Variants in RALGAPA1 observed in about 807,000 individuals in gnomAD.
RALGAPA1 encodes the protein Ral GTPase activating protein catalytic subunit alpha 1.
A neutral mutation model predicts 269.6 loss-of-function variants in RALGAPA1; 52 were observed. The observed-to-expected ratio is 0.19, with a 90% CI of 0.15 to 0.24. RALGAPA1 has a LOEUF of 0.24. Ranked by LOEUF, RALGAPA1 falls within the 10% of genes least tolerant of loss-of-function variation. RALGAPA1 has a pLI of 1.00. For missense variants in RALGAPA1, 1,917 were observed against 3,013.9 expected (o/e 0.64, Z 8.52); for synonymous variants, 817 against 1,008.3 (o/e 0.81, Z 3.60).
At chr14:35,756,499 A>G (rs2073190832) in intron 7 of RALGAPA1, 1 of 165,450 alleles carries the variant, frequency 6.0e-6, no homozygotes, top group Admixed American at 6.4e-5. Flanking sequence ...TAACTAAGGG[A>G]TACCCTTCTA....
At chr14:35,743,292 G>A (rs555630841) in intron 10 of RALGAPA1, among the ~76,000 whole-genome samples, 2 of 151,964 alleles carry the variant, frequency 1.3e-5, no homozygotes, top group South Asian at 4.2e-4. Flanking sequence ...CCAATTCATT[G>A]TCGTAAAAAG....
intron 35 of RALGAPA1, among the ~76,000 whole-genome samples, chr14:35,609,606 G>C (rs553025653): frequency 3.4e-4 from 51 of 152,216 alleles, no homozygotes; most frequent in African/African-American, 1.2e-3. Flanking sequence ...TTTTAAAAAA[G>C]ATTTCATACC....
At chr14:35,666,206 A>C (rs1277159451) in intron 26 of RALGAPA1, among the ~76,000 whole-genome samples, 1 of 152,026 alleles carries the variant, frequency 6.6e-6, no homozygotes, top group Admixed American at 6.6e-5. Context: ...TTAAAGACTT[A>C]TAAACAACAA....
At chr14:35,738,424 T>C (rs1177110133) in intron 12 of RALGAPA1, 89 bp downstream of exon 12, 4 of 920,318 alleles carry the variant, frequency 4.3e-6, no homozygotes, top group Non-Finnish European at 6.0e-6. Context: ...GAATTTATTA[T>C]ATTGTGAAAA....
chr14:35,783,390 C>A (rs2141664652), intron 1 of RALGAPA1, among the ~76,000 whole-genome samples: 1 of 151,972 alleles, frequency 6.6e-6, no homozygotes, highest in Non-Finnish European at 1.5e-5. Flanking sequence ...GTCTTTTCAA[C>A]ACACAGTTGA....
intron 39 of RALGAPA1, among the ~76,000 whole-genome samples, chr14:35,559,730 T>A (rs2055997453): frequency 6.6e-6 from 1 of 152,212 alleles, no homozygotes; most frequent in Admixed American, 6.5e-5. Context: ...CTTTTGGTAT[T>A]TTTGTCGTTG....
intron 9 of RALGAPA1, 131 bp from the exon 10 acceptor site, chr14:35,748,955 T>C: frequency 9.6e-6 from 13 of 1,355,300 alleles, no homozygotes; most frequent in Non-Finnish European, 1.2e-5. Flanking sequence ...CTGCTTAAAC[T>C]CCGGGCATAG....
At chr14:35,604,317 C>A (rs2059457159) in intron 36 of RALGAPA1, among the ~76,000 whole-genome samples, 1 of 151,890 alleles carries the variant, frequency 6.6e-6, no homozygotes, top group South Asian at 2.1e-4. Flanking sequence ...ATACTGATAT[C>A]TTACAGAGTA....
At chr14:35,683,637 C>T (rs1005234226) in intron 21 of RALGAPA1, 172 bp downstream of exon 21, 8 of 538,504 alleles carry the variant, frequency 1.5e-5, no homozygotes, top group African/African-American at 1.3e-4. Flanking sequence ...ACCCAGTGGA[C>T]CTCAGGTCAA....
chr14:35,636,615 G>T (rs572561741), intron 31 of RALGAPA1, among the ~76,000 whole-genome samples: 2 of 152,206 alleles, frequency 1.3e-5, no homozygotes, highest in Non-Finnish European at 2.9e-5. Context: ...TCACTTCCTG[G>T]GTTCAAGTGA....
chr14:35,632,974 C>G (rs929139898), intron 33 of RALGAPA1, among the ~76,000 whole-genome samples: 2 of 152,106 alleles, frequency 1.3e-5, no homozygotes, highest in African/African-American at 4.8e-5. Context: ...TTATCTGGTC[C>G]TTAAAACCTT....
intron 35 of RALGAPA1, among the ~76,000 whole-genome samples, chr14:35,619,111 G>T (rs1024454197): frequency 3.6e-4 from 54 of 151,790 alleles, no homozygotes; most frequent in Non-Finnish European, 5.7e-4. Flanking sequence ...TGGCCTATCA[G>T]ATATTAAAAT....
At chr14:35,612,833 C>T (rs1050408980) in intron 35 of RALGAPA1, among the ~76,000 whole-genome samples, 13 of 151,846 alleles carry the variant, frequency 8.6e-5, no homozygotes, top group Non-Finnish European at 1.3e-4. Flanking sequence ...CCACCGTGCC[C>T]GGCCTAGGCA....
intron 4 of RALGAPA1, among the ~76,000 whole-genome samples, chr14:35,770,089 T>C (rs892656989): frequency 1.3e-5 from 2 of 152,212 alleles, no homozygotes; most frequent in African/African-American, 4.8e-5. Context: ...ACCTCAGGTA[T>C]GGAAAGTTGG....
chr14:35,738,254 G>A (rs567846927), intron 12 of RALGAPA1, among the ~76,000 whole-genome samples: 2 of 151,840 alleles, frequency 1.3e-5, no homozygotes, highest in East Asian at 3.9e-4. Flanking sequence ...CTCATAAACA[G>A]AATGGCTAAT....
intron 5 of RALGAPA1, among the ~76,000 whole-genome samples, chr14:35,762,332 T>C (rs567156465): frequency 1.3e-5 from 2 of 152,292 alleles, no homozygotes; most frequent in East Asian, 3.9e-4. Flanking sequence ...CTCAGCTCAC[T>C]GCAACCTCTG....
At chr14:35,651,014 C>T (rs1424256194) in intron 31 of RALGAPA1, among the ~76,000 whole-genome samples, 1 of 151,774 alleles carries the variant, frequency 6.6e-6, no homozygotes, top group Non-Finnish European at 1.5e-5. Flanking sequence ...TTAGTAGCTA[C>T]CATAGTGAGC....
rs558163382 is a variant in RALGAPA1 at position 35,781,544 on chromosome 14, T to C, written c.107-5799A>G. Among the ~76,000 whole-genome samples the C allele has an allele frequency of 1.3e-5, 2 of 151,856 alleles. 1 individual carries two copies. The highest frequency in any genetic ancestry group is 4.2e-4 in the South Asian group (2 of 4,810). On this transcript the variant is annotated intron_variant, in intron 1 of 41. Coordinates refer to ENST00000680220, the MANE Select transcript of RALGAPA1 (RefSeq NM_001346249.2). ...CCAATATCCTTTATGAATATGAATG[T>C]AAAAATCCTCAACAAAATACTAGAA...
At chr14:35,694,758 A>G (rs2066764915) in intron 17 of RALGAPA1, among the ~76,000 whole-genome samples, 2 of 152,082 alleles carry the variant, frequency 1.3e-5, no homozygotes, top group African/African-American at 4.8e-5. Flanking sequence ...TTAGCTTCAC[A>G]TTTTTCTTGA....
Sources: gnomAD v4.1 joint callset for allele counts (sites outside exome capture counted in the v4.1 genomes callset) on GRCh38, gnomAD v4.1.1 for gene constraint, MANE v1.5 for transcripts, NCBI Gene and HGNC (gene_info 2026-07-23, HGNC 2026-07-21) for gene names.